SMG6: variants seen among roughly 807,000 people sequenced by gnomAD.
SMG6 encodes telomerase-binding protein EST1A.
SMG6 carries 66 observed loss-of-function variants against 142.2 expected under a neutral mutation model. That is an observed-to-expected ratio of 0.46 (90% CI 0.38 to 0.57). The LOEUF is 0.57. SMG6 is among the 20% of genes least tolerant of loss of function. The pLI is 0.00. For synonymous variants in SMG6, 779 were observed against 702.4 expected (o/e 1.11, Z -1.72); for missense variants, 1,793 against 1,832.0 (o/e 0.98, Z 0.39).
chr17:2,171,627 G>A (rs1320269114), intron 13 of SMG6, among the ~76,000 whole-genome samples: 1 of 151,950 alleles, frequency 6.6e-6, no homozygotes, highest in African/African-American at 2.4e-5. Context: ...GCCCGTCTCC[G>A]CTTCTCAAAG....
At chr17:2,065,233 C>CG in intron 17 of SMG6, 79 bp from the exon 18 acceptor site, 1 of 1,289,188 alleles carries the variant, frequency 7.8e-7, no homozygotes, top group Non-Finnish European at 1.1e-6. Flanking sequence ...TCCTCTGCCT[C>CG]GGGGGCCCTG....
intron 13 of SMG6, among the ~76,000 whole-genome samples, chr17:2,160,131 C>T (rs1057284625): frequency 3.9e-5 from 6 of 152,078 alleles, no homozygotes; most frequent in African/African-American, 1.2e-4. Context: ...GGTATATATA[C>T]ACCCATACAT....
At chr17:2,109,704 A>G (rs1238826518) in intron 13 of SMG6, among the ~76,000 whole-genome samples, 1 of 152,240 alleles carries the variant, frequency 6.6e-6, no homozygotes, top group African/African-American at 2.4e-5. Flanking sequence ...ACTTTGAAGT[A>G]TAGTTTCAGT....
At chr17:2,135,180 T>C (rs111483011) in intron 13 of SMG6, among the ~76,000 whole-genome samples, 1,776 of 152,356 alleles carry the variant, frequency 0.012, 19 homozygotes, top group Middle Eastern at 0.02. Flanking sequence ...GCACCCAGCC[T>C]AATAGTTTTA....
chr17:2,286,440 G>A (rs961433413), intron 6 of SMG6, among the ~76,000 whole-genome samples: 15 of 152,018 alleles, frequency 9.9e-5, no homozygotes, highest in Admixed American at 9.8e-4. Context: ...AAAACTGAGA[G>A]CTCAGAAAAA....
intron 10 of SMG6, among the ~76,000 whole-genome samples, chr17:2,230,664 CA>C (rs1184129692): frequency 2.6e-5 from 4 of 152,182 alleles, no homozygotes; most frequent in African/African-American, 9.7e-5. Flanking sequence ...CAGGGAACTA[CA>C]GGCAGATCCA....
chr17:2,273,285 G>A (rs898621618), intron 8 of SMG6, among the ~76,000 whole-genome samples: 1 of 152,208 alleles, frequency 6.6e-6, no homozygotes, highest in African/African-American at 2.4e-5. Flanking sequence ...GAAGGCTGAG[G>A]TGGGCGGATC....
intron 6 of SMG6, among the ~76,000 whole-genome samples, chr17:2,284,176 C>T (rs2074853749): frequency 6.6e-6 from 1 of 152,118 alleles, no homozygotes; most frequent in African/African-American, 2.4e-5. Flanking sequence ...AAACTTTGGA[C>T]AAAAGACTCC....
chr17:2,158,631 C>T (rs187811336), intron 13 of SMG6, among the ~76,000 whole-genome samples: 9 of 152,160 alleles, frequency 5.9e-5, no homozygotes, highest in East Asian at 1.9e-4. Flanking sequence ...AAAATTCCAC[C>T]GGAAGGCTAA....
intron 13 of SMG6, among the ~76,000 whole-genome samples, chr17:2,145,633 TC>T (rs2070642946): frequency 1.1e-5 from 1 of 87,324 alleles, no homozygotes; most frequent in Non-Finnish European, 2.0e-5. Flanking sequence ...AGAGCAAGGC[TC>T]CATCTCCCCA....
At chr17:2,210,891 G>C (rs374307000) in intron 10 of SMG6, among the ~76,000 whole-genome samples, 3 of 151,816 alleles carry the variant, frequency 2.0e-5, no homozygotes, top group East Asian at 3.9e-4. Flanking sequence ...TTTACACCTA[G>C]GTAAGCCAAG....
intron 14 of SMG6, chr17:2,082,186 G>C (rs1597356158): frequency 1.8e-6 from 1 of 545,674 alleles, no homozygotes; most frequent in Non-Finnish European, 3.3e-6. Flanking sequence ...TTTTCCCTCA[G>C]AGAGTTACAC....
chr17:2,206,874 T>C (rs2072697360), intron 10 of SMG6, among the ~76,000 whole-genome samples: 1 of 148,680 alleles, frequency 6.7e-6, no homozygotes, highest in Non-Finnish European at 1.5e-5. Flanking sequence ...GGCAACAGAG[T>C]GAGACACCTT....
chr17:2,135,996 ATGTGTGTGTGTGTGTG>A lies in SMG6; in HGVS notation c.3357+36646_3357+36661del, dbSNP rs545225787. 3.5e-3 allele frequency among the ~76,000 whole-genome samples: 498 copies of A among 141,212 alleles called. 3 individuals are homozygous for A. The highest frequency in any genetic ancestry group is 0.012 in the African/African-American group (456 of 37,704). 92.6% of individuals were successfully genotyped at this position (141,212 alleles called of 152,430 possible). A position where few individuals can be genotyped will look rare whatever the true frequency, so the allele number is the denominator to read the frequency against. ...CCACACCTAGCCTATATATATATTT[ATGTGTGTGTGTGTGTG>A]TGTGTGTGTGTGTGTGTGTGTGTGT... On this transcript the variant is annotated intron_variant, in intron 13 of 18. Coordinates refer to ENST00000263073, the MANE Select transcript of SMG6 (RefSeq NM_017575.5).
chr17:2,292,341 G>GT (rs1303407221), intron 6 of SMG6, among the ~76,000 whole-genome samples: 5 of 152,214 alleles, frequency 3.3e-5, no homozygotes, highest in Non-Finnish European at 7.3e-5. Flanking sequence ...GAGTGCAGTG[G>GT]TAAGTGGAGA....
intron 13 of SMG6, among the ~76,000 whole-genome samples, chr17:2,112,906 C>A (rs1013163915): frequency 3.3e-5 from 5 of 151,396 alleles, no homozygotes; most frequent in Admixed American, 2.6e-4. Context: ...CACAGACATG[C>A]GTCACCATGC....
chr17:2,251,820 G>C (rs1417768469), intron 8 of SMG6, among the ~76,000 whole-genome samples: 1 of 152,080 alleles, frequency 6.6e-6, no homozygotes, highest in East Asian at 1.9e-4. Context: ...GAAAAGAAGG[G>C]GCCAGGCACA....
chr17:2,227,672 T>C (rs1056912035), intron 10 of SMG6, among the ~76,000 whole-genome samples: 1 of 152,240 alleles, frequency 6.6e-6, no homozygotes, highest in South Asian at 2.1e-4. Context: ...AACTTGGGCA[T>C]GTAAATTTGT....
intron 13 of SMG6, among the ~76,000 whole-genome samples, chr17:2,155,601 A>C (rs942306796): frequency 2.6e-5 from 4 of 152,200 alleles, no homozygotes; most frequent in African/African-American, 9.7e-5. Context: ...GAAAGCAGTG[A>C]GCCTGAAGAA....
Sources: allele counts gnomAD v4.1 joint callset (sites outside exome capture counted in the v4.1 genomes callset), GRCh38; gene constraint gnomAD v4.1.1; transcripts MANE v1.5; gene names NCBI Gene and HGNC (gene_info 2026-07-23, HGNC 2026-07-21).